Variants in COL13A1 observed in about 807,000 individuals in gnomAD.
COL13A1 encodes collagen type XIII alpha 1 chain.
In COL13A1, 89 loss-of-function variants were observed where a neutral mutation model predicts 130.9. The observed-to-expected ratio is 0.68, with a 90% CI of 0.57 to 0.81. The LOEUF is 0.81. COL13A1 is among the 30% of genes least tolerant of loss of function. The pLI, the probability that COL13A1 is intolerant of heterozygous loss-of-function variation, is 0.00. For synonymous variants in COL13A1, 402 were observed against 341.6 expected (o/e 1.18, Z -1.95); for missense variants, 879 against 934.6 (o/e 0.94, Z 0.78).
intron 2 of COL13A1, among the ~76,000 whole-genome samples, chr10:69,865,684 G>A (rs2133932506): frequency 6.6e-6 from 1 of 152,346 alleles, no homozygotes; most frequent in Admixed American, 6.5e-5. Context: ...GCTTGGAAGA[G>A]CCAAATTCCC....
At chr10:69,840,519 C>T (rs1029907351) in intron 2 of COL13A1, among the ~76,000 whole-genome samples, 13 of 152,286 alleles carry the variant, frequency 8.5e-5, no homozygotes, top group Middle Eastern at 3.4e-3. Flanking sequence ...GTTCCCCTCC[C>T]CACCTCAGCA....
intron 3 of COL13A1, 69 bp downstream of exon 3, chr10:69,867,874 G>A (rs1349014537): frequency 7.0e-6 from 5 of 716,646 alleles, no homozygotes; most frequent in African/African-American, 1.7e-5. Context: ...CGGGGTTCTG[G>A]GTGGGGGCAC....
intron 2 of COL13A1, among the ~76,000 whole-genome samples, chr10:69,845,822 A>G (rs1456235306): frequency 1.3e-5 from 2 of 152,202 alleles, no homozygotes; most frequent in Admixed American, 6.5e-5. Flanking sequence ...AGAATCTCCA[A>G]TCCTGTGGTC....
At chr10:69,838,185 G>A (rs570180469) in intron 2 of COL13A1, among the ~76,000 whole-genome samples, 4 of 152,212 alleles carry the variant, frequency 2.6e-5, no homozygotes, top group African/African-American at 9.6e-5. Context: ...GTGCCTTCCC[G>A]GTCCCACTTG....
intron 2 of COL13A1, among the ~76,000 whole-genome samples, chr10:69,822,988 C>T (rs138219011): frequency 2.0e-5 from 3 of 152,344 alleles, no homozygotes; most frequent in Non-Finnish European, 2.9e-5. Flanking sequence ...AGCCAAAGGT[C>T]GCAAGGTGAT....
Position 69,957,175 on chromosome 10 carries a change from G to A in COL13A1, c.2184+133G>A, listed in dbSNP as rs571162788. On this transcript the variant is annotated intron_variant, in intron 40 of 40. Coordinates refer to ENST00000645393, the MANE Select transcript of COL13A1 (RefSeq NM_001368882.1). ...AAATAGTCACTGTCTCAAAGGCAGG[G>A]TGCCCATTAAACATCCCATACACTG... 252 of 754,552 alleles carry A rather than the reference G, an allele frequency of 3.3e-4. 3 individuals are homozygous for A. The East Asian group carries it at 6.5e-3, about 19-fold the overall frequency. 46.7% of individuals were successfully genotyped at this position (754,552 alleles called of 1,614,324 possible).
intron 2 of COL13A1, among the ~76,000 whole-genome samples, chr10:69,851,064 C>T (rs1035228111): frequency 9.9e-5 from 15 of 152,258 alleles, no homozygotes; most frequent in Non-Finnish European, 2.9e-5. Context: ...GGCCAGGGGT[C>T]CTGAGAGCAG....
intron 2 of COL13A1, among the ~76,000 whole-genome samples, chr10:69,832,088 T>G (rs1156565374): frequency 6.6e-6 from 1 of 152,120 alleles, no homozygotes; most frequent in African/African-American, 2.4e-5. Context: ...CCATGTGAGG[T>G]CCCGAAGGCA....
At chr10:69,950,334 C>T (rs985682167) in intron 38 of COL13A1, among the ~76,000 whole-genome samples, 4 of 152,120 alleles carry the variant, frequency 2.6e-5, no homozygotes, top group African/African-American at 4.8e-5. Context: ...ACGCAGGCAA[C>T]GTTACTACTC....
intron 17 of COL13A1, among the ~76,000 whole-genome samples, chr10:69,910,769 C>G (rs190686386): frequency 4.1e-4 from 63 of 152,372 alleles, no homozygotes; most frequent in African/African-American, 1.4e-3. Flanking sequence ...AACCTTGGCT[C>G]TCTTTCAAGG....
chr10:69,949,433 T>A (rs184821290), intron 38 of COL13A1, among the ~76,000 whole-genome samples: 147 of 152,326 alleles, frequency 9.7e-4, no homozygotes, highest in Non-Finnish European at 1.8e-3. Flanking sequence ...TCCTCCTGCC[T>A]CGGCTCCCAA....
At chr10:69,921,825 C>T (rs1316870948) in intron 21 of COL13A1, 57 bp from the exon 22 acceptor site, 1 of 1,566,764 alleles carries the variant, frequency 6.4e-7, no homozygotes, top group Admixed American at 1.9e-5. Flanking sequence ...CTGGTGGCTT[C>T]CCAAACCTGC....
At chr10:69,913,646 C>T (rs764162459) in intron 17 of COL13A1, among the ~76,000 whole-genome samples, 37 of 152,146 alleles carry the variant, frequency 2.4e-4, no homozygotes, top group African/African-American at 7.0e-4. Context: ...GCCACAGCGA[C>T]GACGCTGGAG....
At chr10:69,907,554 AATAACTAACCCACTTCCATG>A (rs2062887747) in intron 17 of COL13A1, among the ~76,000 whole-genome samples, 1 of 151,998 alleles carries the variant, frequency 6.6e-6, no homozygotes, top group Admixed American at 6.6e-5. Flanking sequence ...CCACTCCCAC[AATAACTAACCCACTTCCATG>A]ATAACTAACC....
chr10:69,926,066 C>A, intron 26 of COL13A1, 194 bp downstream of exon 26: 1 of 554,374 alleles, frequency 1.8e-6, no homozygotes, highest in Non-Finnish European at 3.2e-6. Flanking sequence ...GAAATGGCCC[C>A]ATTACTGGCA....
At chr10:69,857,808 T>C (rs569887538) in intron 2 of COL13A1, among the ~76,000 whole-genome samples, 2 of 152,312 alleles carry the variant, frequency 1.3e-5, no homozygotes, top group Admixed American at 1.3e-4. Context: ...TGGTAATACC[T>C]GTGAAGCATT....
At chr10:69,845,948 T>C (rs993488558) in intron 2 of COL13A1, among the ~76,000 whole-genome samples, 15 of 152,268 alleles carry the variant, frequency 9.9e-5, no homozygotes, top group Non-Finnish European at 1.9e-4. Context: ...TTCCCTCCAC[T>C]GGACAAGGGT....
chr10:69,905,262 C>T (rs1028392912), intron 16 of COL13A1, among the ~76,000 whole-genome samples: 13 of 152,278 alleles, frequency 8.5e-5, no homozygotes, highest in Non-Finnish European at 1.3e-4. Context: ...CCCAGAACAC[C>T]GTCACAATAT....
At chr10:69,849,014 C>T (rs879809978) in intron 2 of COL13A1, among the ~76,000 whole-genome samples, 1 of 152,236 alleles carries the variant, frequency 6.6e-6, no homozygotes, top group South Asian at 2.1e-4. Context: ...ACCACCTGAC[C>T]CATGTGGGCA....
Sources: allele counts gnomAD v4.1 joint callset (sites outside exome capture counted in the v4.1 genomes callset), GRCh38; gene constraint gnomAD v4.1.1; transcripts MANE v1.5; gene names NCBI Gene and HGNC (gene_info 2026-07-23, HGNC 2026-07-21).